Variants in DRGX observed in about 807,000 individuals in gnomAD.
DRGX encodes dorsal root ganglia homeobox protein.
Under a neutral mutation model 28.6 loss-of-function variants are expected in DRGX, and 21 were observed. The observed-to-expected ratio is 0.73, with a 90% CI of 0.52 to 1.06. The LOEUF (loss-of-function observed/expected upper bound fraction) is 1.06. Ranked by LOEUF, DRGX falls within the 50% of genes least tolerant of loss-of-function variation. The pLI, the probability that DRGX is intolerant of heterozygous loss-of-function variation, is 0.00. For synonymous variants in DRGX, 136 were observed against 139.1 expected, an observed-to-expected ratio of 0.98 and a Z score of 0.16; for missense variants, 354 against 343.9, an observed-to-expected ratio of 1.03 and a Z score of -0.23.
chr10:49,369,001 C>T (rs1178058499), intron 6 of DRGX, among the ~76,000 whole-genome samples: 1 of 152,138 alleles, frequency 6.6e-6, no homozygotes. Context: ...GGGCTCAATC[C>T]ATCTCAGGCT....
chr10:49,383,671 C>A (rs80038685), intron 6 of DRGX, among the ~76,000 whole-genome samples: 88 of 152,306 alleles, frequency 5.8e-4, no homozygotes, highest in East Asian at 1.5e-3. Context: ...GGTAGGACAT[C>A]GGCCATGAGG....
At chr10:49,380,210 G>T (rs1249034605) in intron 6 of DRGX, among the ~76,000 whole-genome samples, 1 of 152,216 alleles carries the variant, frequency 6.6e-6, no homozygotes, top group Non-Finnish European at 1.5e-5. Flanking sequence ...AGTTATGAAA[G>T]CTCTACCCTG....
At chr10:49,381,195 G>A (rs1002826309) in intron 6 of DRGX, among the ~76,000 whole-genome samples, 3 of 152,216 alleles carry the variant, frequency 2.0e-5, no homozygotes, top group African/African-American at 7.2e-5. Flanking sequence ...GTCCCTGGTG[G>A]GCAGCTTCCT....
chr10:49,390,231 C>T lies in DRGX; in HGVS notation c.136G>A (p.Glu46Lys). The change falls in exon 4 of 7, where the codon GAA becomes AAA. Residue 46 changes from glutamate (E) to lysine (K), a missense_variant. Transcript: ENST00000374139. ...TGGGCAAAAACGGCCTCGAGAGCTTCCAGCTGGTAAAAGGAAAAAATATGT... is the reference window on the plus strand; with the variant it reads ...TGGGCAAAAACGGCCTCGAGAGCTTTCAGCTGGTAAAAGGAAAAAATATGT... ...NRTTFTLQQLEALEAVFAQTH... is the reference protein window; with the variant it reads ...NRTTFTLQQLKALEAVFAQTH... 1 of 1,608,516 alleles carries T rather than the reference C, an allele frequency of 6.2e-7. No homozygotes were observed.
At position 49,374,427 on chromosome 10, in the gene DRGX, A is replaced by G. The variant is rs577132300; in HGVS notation, c.527-8046T>C. 3.9e-5 allele frequency among the ~76,000 whole-genome samples: 6 copies of G among 152,236 alleles called. No homozygotes were observed. The South Asian group carries it at 1.0e-3, about 26-fold the overall frequency. On this transcript the variant is annotated intron_variant, in intron 6 of 6. Transcript: ENST00000374139. Reference sequence around the variant, plus strand: ...GTCCCTTCCTGCCTGCTCCCACCCCATGAAGCCCCTAAAAGGCCATGACTC... The same window carrying G: ...GTCCCTTCCTGCCTGCTCCCACCCCGTGAAGCCCCTAAAAGGCCATGACTC...
intron 4 of DRGX, among the ~76,000 whole-genome samples, chr10:49,389,595 T>G (rs567705796): frequency 3.3e-5 from 5 of 152,288 alleles, no homozygotes; most frequent in African/African-American, 9.6e-5. Flanking sequence ...CGGGCCATAC[T>G]CATCTCTGAA....
At chr10:49,393,906 T>A (rs1325553773) in intron 2 of DRGX, among the ~76,000 whole-genome samples, 1 of 152,124 alleles carries the variant, frequency 6.6e-6, no homozygotes, top group African/African-American at 2.4e-5. Context: ...ACTGCTGCAG[T>A]CCACCCCGCA....
chr10:49,370,506 A>C (rs1849648018), intron 6 of DRGX, among the ~76,000 whole-genome samples: 1 of 152,228 alleles, frequency 6.6e-6, no homozygotes. Context: ...TGTCCATCAA[A>C]GGGGGCGGAT....
chr10:49,387,662 CAA>C (rs11309652), intron 4 of DRGX, among the ~76,000 whole-genome samples: 106 of 119,264 alleles, frequency 8.9e-4, no homozygotes, highest in Admixed American at 1.1e-3. Flanking sequence ...GACTCCATCA[CAA>C]AAAAAAAAAA....
chr10:49,392,724 C>T (rs1008366701), intron 2 of DRGX, among the ~76,000 whole-genome samples: 13 of 152,100 alleles, frequency 8.5e-5, no homozygotes, highest in Admixed American at 3.3e-4. Context: ...AAAGGGCTGA[C>T]AGTTCACCAA....
chr10:49,373,553 A>T (rs573043809), intron 6 of DRGX, among the ~76,000 whole-genome samples: 1 of 152,290 alleles, frequency 6.6e-6, no homozygotes, highest in East Asian at 1.9e-4. Flanking sequence ...TCTCTCAGGG[A>T]CTAATGTCCT....
At chr10:49,371,376 G>A (rs1418786603) in intron 6 of DRGX, among the ~76,000 whole-genome samples, 2 of 152,300 alleles carry the variant, frequency 1.3e-5, no homozygotes, top group East Asian at 3.9e-4. Context: ...GTAGAGGCCA[G>A]GCACAGTGGC....
rs1029919351 is a variant in DRGX, at chr10:49,395,494, C to T, written c.-54G>A. On this transcript the variant is annotated 5_prime_UTR_variant, in exon 2 of 7. Transcript: ENST00000374139. ...GAGACCTGGGAGGGTGGCAGCAGAACGGACCCGCGCGCGTTGCTCCTGCCT... is the reference window on the plus strand; with the variant it reads ...GAGACCTGGGAGGGTGGCAGCAGAATGGACCCGCGCGCGTTGCTCCTGCCT... The T allele has an allele frequency of 6.5e-7, 1 of 1,541,692 alleles. No individual in the cohort carries two copies. Among genetic ancestry groups the T allele is most frequent in the Non-Finnish European group, 8.8e-7 (1 of 1,140,698 alleles).
intron 6 of DRGX, among the ~76,000 whole-genome samples, chr10:49,370,448 G>A (rs1393991933): frequency 3.3e-5 from 5 of 152,160 alleles, no homozygotes; most frequent in East Asian, 1.9e-4. Context: ...AACAGGTGCC[G>A]TCGCTCCCTT....
chr10:49,378,284 C>G (rs1230470682), intron 6 of DRGX, among the ~76,000 whole-genome samples: 1 of 152,016 alleles, frequency 6.6e-6, no homozygotes, highest in Non-Finnish European at 1.5e-5. Flanking sequence ...AACTGTGAAA[C>G]CCTAAGAGCT....
chr10:49,373,426 G>T (rs1428187479), intron 6 of DRGX, among the ~76,000 whole-genome samples: 1 of 152,144 alleles, frequency 6.6e-6, no homozygotes, highest in African/African-American at 2.4e-5. Flanking sequence ...ATACACATGC[G>T]ATAGACTGAA....
At chr10:49,380,972 T>G (rs560444166) in intron 6 of DRGX, among the ~76,000 whole-genome samples, 71 of 152,280 alleles carry the variant, frequency 4.7e-4, no homozygotes, top group Middle Eastern at 3.4e-3. Flanking sequence ...TCTTATGAAT[T>G]CAGTGCTATT....
At chr10:49,385,087 C>A (rs565618645) in intron 6 of DRGX, among the ~76,000 whole-genome samples, 18 of 152,304 alleles carry the variant, frequency 1.2e-4, no homozygotes, top group Non-Finnish European at 2.6e-4. Flanking sequence ...GCTGCCTGCA[C>A]AACTGTAGCC....
intron 6 of DRGX, among the ~76,000 whole-genome samples, chr10:49,374,454 C>T (rs556417256): frequency 6.8e-4 from 103 of 152,322 alleles, no homozygotes; most frequent in African/African-American, 2.4e-3. Flanking sequence ...CCATGACTCC[C>T]TTCCTCCCCC....
Sources: gnomAD v4.1 joint callset for allele counts (sites outside exome capture counted in the v4.1 genomes callset) on GRCh38, gnomAD v4.1.1 for gene constraint, MANE v1.5 for transcripts, NCBI Gene and HGNC (gene_info 2026-07-23, HGNC 2026-07-21) for gene names.